The following IGF1 variants were observed in gnomAD, a reference collection of about 807,000 sequenced individuals.
The protein encoded by IGF1 is insulin-like growth factor 1.
Under a neutral mutation model 13.8 loss-of-function variants are expected in IGF1, and 4 were observed. That is an observed-to-expected ratio of 0.29 (90% confidence interval 0.14 to 0.66). The LOEUF is 0.66. Among genes scored for constraint, IGF1 ranks in the 30% least tolerant of loss-of-function variants. The probability of loss-of-function intolerance (pLI) is 0.78; values close to 1 mark genes in which losing one functional copy is unlikely to be tolerated. For synonymous variants in IGF1, 76 were observed against 72.6 expected, an observed-to-expected ratio of 1.05 and a Z score of -0.23; for missense variants, 124 against 188.5, an observed-to-expected ratio of 0.66 and a Z score of 2.00.
intron 2 of IGF1, among the ~76,000 whole-genome samples, chr12:102,429,703 A>G (rs2137042587): frequency 6.6e-6 from 1 of 152,298 alleles, no homozygotes; most frequent in African/African-American, 2.4e-5. Context: ...GCAAAGAAAA[A>G]TATTCTCAGC....
At chr12:102,417,555 CT>C in intron 3 of IGF1, 1 of 1,172,402 alleles carries the variant, frequency 8.5e-7, no homozygotes, top group Non-Finnish European at 1.1e-6. Context: ...CTTTTTTTGC[CT>C]CTTTTATAAT....
chr12:102,402,637 G>T (rs1297048014), intron 3 of IGF1, 71 bp from the exon 4 acceptor site: 17 of 775,436 alleles, frequency 2.2e-5, no homozygotes, highest in Non-Finnish European at 3.8e-5. Flanking sequence ...CTAACATTGG[G>T]CCTCAACCTT....
At chr12:102,463,910 G>T (rs1364558413) in intron 2 of IGF1, among the ~76,000 whole-genome samples, 1 of 152,164 alleles carries the variant, frequency 6.6e-6, no homozygotes, top group African/African-American at 2.4e-5. Flanking sequence ...TCTGGACCTT[G>T]GTCCTTTCAT....
chr12:102,459,048 C>T (rs1038832734), intron 2 of IGF1, among the ~76,000 whole-genome samples: 1 of 152,046 alleles, frequency 6.6e-6, no homozygotes, highest in African/African-American at 2.4e-5. Context: ...TTTGGTAAAG[C>T]AGAAAGCATG....
intron 3 of IGF1, among the ~76,000 whole-genome samples, chr12:102,411,753 G>A (rs774741602): frequency 5.9e-5 from 9 of 152,108 alleles, no homozygotes; most frequent in Admixed American, 1.3e-4. Flanking sequence ...TCTTTTTTCC[G>A]GAGTGATCAT....
chr12:102,474,476 C>T (rs1048808191), intron 2 of IGF1, among the ~76,000 whole-genome samples: 2 of 152,174 alleles, frequency 1.3e-5, no homozygotes, highest in Non-Finnish European at 2.9e-5. Context: ...TCCCATCTCC[C>T]TTACTGATCT....
At chr12:102,402,961 T>G (rs1326068244) in intron 3 of IGF1, among the ~76,000 whole-genome samples, 1 of 152,258 alleles carries the variant, frequency 6.6e-6, no homozygotes, top group African/African-American at 2.4e-5. Flanking sequence ...GTTGTTTTAT[T>G]GCAGTTTGTT....
intron 2 of IGF1, among the ~76,000 whole-genome samples, chr12:102,431,751 A>T (rs1876756693): frequency 6.6e-6 from 1 of 152,162 alleles, no homozygotes; most frequent in Non-Finnish European, 1.5e-5. Flanking sequence ...ATCTAAATGG[A>T]CCCACTAACC....
At chr12:102,435,405 G>C (rs1877140660) in intron 2 of IGF1, among the ~76,000 whole-genome samples, 1 of 152,186 alleles carries the variant, frequency 6.6e-6, no homozygotes, top group Admixed American at 6.5e-5. Flanking sequence ...AGGATACGCA[G>C]GTTACACAGT....
chr12:102,426,062 C>G (rs1300943659), intron 2 of IGF1, among the ~76,000 whole-genome samples: 1 of 152,136 alleles, frequency 6.6e-6, no homozygotes, highest in African/African-American at 2.4e-5. Flanking sequence ...CTACCATTTT[C>G]TAGTTATATT....
At chr12:102,480,283 A>G in intron 1 of IGF1, 36 bp downstream of exon 1, 2 of 1,590,614 alleles carry the variant, frequency 1.3e-6, no homozygotes, top group East Asian at 2.2e-5. Flanking sequence ...TTTAAATAGA[A>G]TTCCCCAATG....
intron 2 of IGF1, among the ~76,000 whole-genome samples, chr12:102,446,833 C>A (rs1409684629): frequency 6.6e-6 from 1 of 152,202 alleles, no homozygotes; most frequent in Admixed American, 6.5e-5. Context: ...GATTTTAGAT[C>A]TTTCCCACTT....
intron 2 of IGF1, among the ~76,000 whole-genome samples, chr12:102,424,703 C>T (rs1876041851): frequency 6.6e-6 from 1 of 152,062 alleles, no homozygotes; most frequent in Admixed American, 6.6e-5. Flanking sequence ...GAATCACCTC[C>T]CAATATTTCC....
intron 1 of IGF1, among the ~76,000 whole-genome samples, chr12:102,480,016 C>T (rs1449821658): frequency 2.0e-5 from 3 of 151,972 alleles, no homozygotes; most frequent in Admixed American, 6.6e-5. Context: ...GCTCTATAGC[C>T]CTTAGCCATA....
chr12:102,453,930 T>C (rs1366328618), intron 2 of IGF1, among the ~76,000 whole-genome samples: 1 of 152,196 alleles, frequency 6.6e-6, no homozygotes, highest in African/African-American at 2.4e-5. Flanking sequence ...AGTTGTTTGG[T>C]GATTCAGTGA....
rs147829774 is a variant in IGF1 at position 102,467,760 on chromosome 12, A to C, written c.220+7883T>G. On this transcript the variant is annotated intron_variant, in intron 2 of 3. Transcript: ENST00000337514. ...CTTGGTCATTTTAATTTACCAGGTA[A>C]CTTTGACACAGACATGGCTAATTGT... 7.9e-5 allele frequency among the ~76,000 whole-genome samples: 12 copies of C among 152,326 alleles called. No individual in the cohort carries two copies. The East Asian group carries it at 2.3e-3, about 29-fold the overall frequency.
intron 2 of IGF1, among the ~76,000 whole-genome samples, chr12:102,448,390 G>A (rs1878549530): frequency 1.3e-5 from 2 of 148,532 alleles, no homozygotes; most frequent in African/African-American, 2.5e-5. Flanking sequence ...TCCTTTGTAG[G>A]GACATGGATG....
At chr12:102,463,427 C>T (rs2137209702) in intron 2 of IGF1, 1 of 152,140 alleles carries the variant, frequency 6.6e-6, no homozygotes, top group East Asian at 1.9e-4. Context: ...TGTTTGGGGT[C>T]ACTTCTGAGT....
In IGF1 at chr12:102,400,547, A is replaced by T. The variant is rs941795772; in HGVS notation, c.*1960T>A. Reference sequence around the variant, plus strand: ...GGAAACTCTAGTCAAGCATATTTTAACAAACTTTTAAAAAAATGTATATAC... The same window carrying T: ...GGAAACTCTAGTCAAGCATATTTTATCAAACTTTTAAAAAAATGTATATAC... On this transcript the variant is annotated 3_prime_UTR_variant, in exon 4 of 4. Transcript: ENST00000337514. The T allele has an allele frequency of 6.6e-6, 1 of 152,174 alleles. No homozygotes were observed. Among genetic ancestry groups the T allele is most frequent in the Non-Finnish European group, 1.5e-5 (1 of 68,028 alleles). 9.4% of individuals were successfully genotyped at this position (152,174 alleles called of 1,614,324 possible). A position where few individuals can be genotyped will look rare whatever the true frequency, so the allele number is the denominator to read the frequency against.
Sources: allele counts gnomAD v4.1 joint callset (sites outside exome capture counted in the v4.1 genomes callset), GRCh38; gene constraint gnomAD v4.1.1; transcripts MANE v1.5; gene names NCBI Gene and HGNC (gene_info 2026-07-23, HGNC 2026-07-21).